The following ELOVL7 variants were observed in gnomAD, a reference collection of about 807,000 sequenced individuals.
ELOVL7 encodes very long chain fatty acid elongase 7.
In ELOVL7, 27 loss-of-function variants were observed where a neutral mutation model predicts 35.7. The ratio of observed to expected loss-of-function variants is 0.76; its 90% confidence interval spans 0.56 to 1.04. The LOEUF (loss-of-function observed/expected upper bound fraction) is 1.04. Among genes scored for constraint, ELOVL7 ranks in the 50% least tolerant of loss-of-function variants. The pLI is 0.00. For missense variants in ELOVL7, 327 were observed against 340.8 expected, an observed-to-expected ratio of 0.96 and a Z score of 0.32; for synonymous variants, 113 against 114.6, an observed-to-expected ratio of 0.99 and a Z score of 0.09.
intron 1 of ELOVL7, among the ~76,000 whole-genome samples, chr5:60,841,413 T>C (rs949916233): frequency 1.3e-5 from 2 of 152,200 alleles, no homozygotes; most frequent in African/African-American, 4.8e-5. Flanking sequence ...GGTTAAATAT[T>C]CATTGTGGTA....
At chr5:60,770,497 C>T (rs946757568) in intron 4 of ELOVL7, among the ~76,000 whole-genome samples, 2 of 152,170 alleles carry the variant, frequency 1.3e-5, no homozygotes, top group African/African-American at 2.4e-5. Context: ...GTTCTTAACA[C>T]CTTACTACAA....
At chr5:60,807,208 C>T (rs1744982391) in intron 1 of ELOVL7, among the ~76,000 whole-genome samples, 1 of 151,692 alleles carries the variant, frequency 6.6e-6, no homozygotes, top group African/African-American at 2.4e-5. Flanking sequence ...AGGATTGATT[C>T]TGATTATGGA....
chr5:60,827,433 A>G (rs888150806), intron 1 of ELOVL7, among the ~76,000 whole-genome samples: 9 of 152,232 alleles, frequency 5.9e-5, no homozygotes, highest in Non-Finnish European at 1.0e-4. Context: ...TGACTACCCT[A>G]TAAAAGCTGT....
intron 3 of ELOVL7, among the ~76,000 whole-genome samples, chr5:60,775,682 A>T (rs1419399520): frequency 1.3e-5 from 2 of 152,360 alleles, no homozygotes; most frequent in South Asian, 2.1e-4. Context: ...GAGCATACCT[A>T]AAACCAACTG....
intron 2 of ELOVL7, among the ~76,000 whole-genome samples, chr5:60,793,361 A>G (rs1744056232): frequency 6.6e-6 from 1 of 152,120 alleles, no homozygotes; most frequent in Admixed American, 6.6e-5. Context: ...GGCTCATGAG[A>G]CTGAACTGCA....
At chr5:60,795,228 A>G (rs1357546215) in intron 2 of ELOVL7, among the ~76,000 whole-genome samples, 2 of 152,030 alleles carry the variant, frequency 1.3e-5, no homozygotes, top group East Asian at 3.9e-4. Flanking sequence ...CCCCGAGAGG[A>G]AGGTACTGAG....
intron 3 of ELOVL7, among the ~76,000 whole-genome samples, chr5:60,779,697 C>T (rs1743121062): frequency 6.6e-6 from 1 of 152,218 alleles, no homozygotes; most frequent in Non-Finnish European, 1.5e-5. Context: ...CTGACATACT[C>T]TGGAGACATT....
Position 60,753,904 on chromosome 5 carries a change from C to T in ELOVL7, c.*720G>A, listed in dbSNP as rs1741383010. 1 of 152,168 alleles carries T rather than the reference C, an allele frequency of 6.6e-6. No homozygotes were observed. The highest frequency in any genetic ancestry group is 1.5e-5 in the Non-Finnish European group (1 of 68,030). 9.4% of individuals were successfully genotyped at this position (152,168 alleles called of 1,614,324 possible). A position where few individuals can be genotyped will look rare whatever the true frequency, so the allele number is the denominator to read the frequency against. On this transcript the variant is annotated 3_prime_UTR_variant, in exon 9 of 9. Coordinates refer to ENST00000508821, the MANE Select transcript of ELOVL7 (RefSeq NM_024930.3). ...TCATTAACCCATTAAAACAAATCAC[C>T]TTGTTTTGAAAATAATCAACTGAAT...
chr5:60,839,598 T>C (rs1218465670), intron 1 of ELOVL7, among the ~76,000 whole-genome samples: 2 of 152,234 alleles, frequency 1.3e-5, no homozygotes. Flanking sequence ...AGTGTGTTTA[T>C]GGCATGCTTC....
intron 7 of ELOVL7, among the ~76,000 whole-genome samples, chr5:60,758,027 T>G (rs1741651162): frequency 1.3e-5 from 2 of 152,284 alleles, no homozygotes; most frequent in South Asian, 2.1e-4. Flanking sequence ...CTTAACTTGA[T>G]GATTTTTCAT....
At chr5:60,833,214 T>C (rs1041506304) in intron 1 of ELOVL7, among the ~76,000 whole-genome samples, 1 of 152,228 alleles carries the variant, frequency 6.6e-6, no homozygotes, top group Non-Finnish European at 1.5e-5. Context: ...AACTTGTTTC[T>C]GGTCCCAAAA....
intron 2 of ELOVL7, among the ~76,000 whole-genome samples, chr5:60,792,635 G>A (rs1418664320): frequency 6.6e-6 from 1 of 152,160 alleles, no homozygotes; most frequent in Non-Finnish European, 1.5e-5. Flanking sequence ...GAGAGGCTGA[G>A]GTGGGAGAAC....
intron 1 of ELOVL7, among the ~76,000 whole-genome samples, chr5:60,827,772 T>A (rs1256975016): frequency 2.0e-5 from 3 of 152,142 alleles, no homozygotes; most frequent in Non-Finnish European, 4.4e-5. Context: ...ATAAAGGAAT[T>A]TCCATGATCA....
chr5:60,767,798 C>T (rs1225151610), intron 5 of ELOVL7, 25 bp downstream of exon 5: 4 of 1,580,422 alleles, frequency 2.5e-6, no homozygotes. Flanking sequence ...TTTTGAATTT[C>T]AAGTTTTTCC....
intron 1 of ELOVL7, among the ~76,000 whole-genome samples, chr5:60,818,104 G>A (rs1354162714): frequency 6.6e-6 from 1 of 151,788 alleles, no homozygotes; most frequent in East Asian, 1.9e-4. Context: ...GATCACTTGA[G>A]GTCAGGAGTT....
intron 1 of ELOVL7, among the ~76,000 whole-genome samples, chr5:60,814,189 T>A (rs961350989): frequency 6.6e-6 from 1 of 152,202 alleles, no homozygotes; most frequent in Non-Finnish European, 1.5e-5. Context: ...ATTAAAGTTT[T>A]AAAAATCGGT....
rs1742335911 is a variant in ELOVL7 at position 60,767,855 on chromosome 5, C to T, written c.304G>A (p.Val102Ile). Residue 102 changes from valine (V) to isoleucine (I), a missense_variant, in exon 5 of 9, where the codon GTT becomes ATT. Coordinates refer to ENST00000508821, the MANE Select transcript of ELOVL7 (RefSeq NM_024930.3). ...GIGYSFRCDI[V>I]DYSRSPTALR... ...GCTGTGGGTGACCGTGAATAGTCAA[C>T]AATGTCACATCGAAATGAATAACCT... 6.2e-7 allele frequency: 1 copy of T among 1,613,916 alleles called. No homozygotes were observed.
At chr5:60,797,273 C>G (rs546757649) in intron 2 of ELOVL7, among the ~76,000 whole-genome samples, 27 of 152,304 alleles carry the variant, frequency 1.8e-4, no homozygotes, top group Non-Finnish European at 3.2e-4. Flanking sequence ...ACCTATTACA[C>G]AGGATTTTGT....
intron 1 of ELOVL7, among the ~76,000 whole-genome samples, chr5:60,802,123 C>G (rs62372064): frequency 8.8e-5 from 2 of 22,610 alleles, no homozygotes; most frequent in South Asian, 1.0e-3. Context: ...TATATACACA[C>G]ACACACACAC....
Sources: allele counts gnomAD v4.1 joint callset (sites outside exome capture counted in the v4.1 genomes callset), GRCh38; gene constraint gnomAD v4.1.1; transcripts MANE v1.5; gene names NCBI Gene and HGNC (gene_info 2026-07-23, HGNC 2026-07-21).